Variants in ABCC6 observed in about 807,000 individuals in gnomAD.
The protein encoded by ABCC6 is ATP binding cassette subfamily C member 6, also known as ATP-binding cassette sub-family C member 6.
In ABCC6, 126 loss-of-function variants were observed where a neutral mutation model predicts 169.5. That is an observed-to-expected ratio of 0.74 (90% CI 0.64 to 0.86). The LOEUF (loss-of-function observed/expected upper bound fraction) is 0.86. Ranked by LOEUF, ABCC6 falls within the 40% of genes least tolerant of loss-of-function variation. ABCC6 has a pLI of 0.00. For synonymous variants in ABCC6, 752 were observed against 814.7 expected, an observed-to-expected ratio of 0.92 and a Z score of 1.31; for missense variants, 1,733 against 1,927.2, an observed-to-expected ratio of 0.90 and a Z score of 1.89.
intron 10 of ABCC6, among the ~76,000 whole-genome samples, chr16:16,197,799 G>A (rs2048099205): frequency 6.6e-6 from 1 of 151,676 alleles, no homozygotes; most frequent in Admixed American, 6.6e-5. Flanking sequence ...GGAATCCAGG[G>A]TGATGAAGGC....
chr16:16,170,053 C>T (rs1179505951), intron 21 of ABCC6, among the ~76,000 whole-genome samples, 200 bp from the exon 22 acceptor site: 1 of 152,114 alleles, frequency 6.6e-6, no homozygotes, highest in Non-Finnish European at 1.5e-5. Context: ...GAACCCCCAT[C>T]TCCTATACAA....
In ABCC6 at chr16:16,203,610, G is replaced by T; in HGVS notation, c.798C>A (p.His266Gln). 1.2e-6 allele frequency: 2 copies of T among 1,614,040 alleles called. No individual in the cohort carries two copies. The highest frequency in any genetic ancestry group is 1.7e-6 in the Non-Finnish European group (2 of 1,179,878). ...WMRNRSAARR[H>Q]NKAIAFKRKG... ...TCCTTTTAAATGCTATTGCCTTGTT[G>T]TGCCTGAGGGGAAGGGAGAGATTAG... Residue 266 changes from histidine (H) to glutamine (Q), a missense_variant, in exon 8 of 31, where the codon CAC becomes CAA. Around this residue, in one of 5 missense-constraint regions of ABCC6, gnomAD observed 1,601 missense variants for 1,635.5 expected, o/e 0.98. Transcript: ENST00000205557.
At chr16:16,168,135 T>C (rs1029944715) in intron 22 of ABCC6, among the ~76,000 whole-genome samples, 1 of 66,070 alleles carries the variant, frequency 1.5e-5, no homozygotes, top group Non-Finnish European at 3.4e-5. Context: ...ATTTTGGTGA[T>C]GTGGCCAATG....
At chr16:16,162,154 T>C (rs895682503) in intron 24 of ABCC6, among the ~76,000 whole-genome samples, 1 of 152,180 alleles carries the variant, frequency 6.6e-6, no homozygotes, top group Non-Finnish European at 1.5e-5. Context: ...CAATTAAACC[T>C]TCCTTTCTTT....
Position 16,161,461 on chromosome 16 carries a change from A to G in ABCC6, c.3610T>C (p.Phe1204Leu). Reference protein sequence around the residue: ...KAHLSAGLVGFSVSAALQVTQ... With the variant: ...KAHLSAGLVGLSVSAALQVTQ... ...ACCTGGAGGGCAGCAGAGACAGAGA[A>G]GCCCACGAGGCCAGCACTGAGGTGG... The change falls in exon 25 of 31, where the codon TTC becomes CTC. Residue 1204 changes from phenylalanine to leucine, a missense_variant. This residue lies in a region of ABCC6 where 1,601 missense variants were observed against 1,635.5 expected (regional missense o/e 0.98). Coordinates refer to ENST00000205557, the MANE Select transcript of ABCC6 (RefSeq NM_001171.6). The G allele has an allele frequency of 6.2e-7, 1 of 1,613,946 alleles. No individual in the cohort carries two copies. Among genetic ancestry groups the G allele is most frequent in the Non-Finnish European group, 8.5e-7 (1 of 1,180,026 alleles).
In ABCC6 at chr16:16,150,464, C is replaced by A. The variant is rs2046354487; in HGVS notation, c.4403+114G>T. ...CCCGGGCATTCCTCCCGCTCTGGCCCCATTCAGGACCCCTCCAGCTCTAAC... is the reference window on the plus strand; with the variant it reads ...CCCGGGCATTCCTCCCGCTCTGGCCACATTCAGGACCCCTCCAGCTCTAAC... On this transcript the variant is annotated intron_variant, in intron 30 of 30. Coordinates refer to ENST00000205557, the MANE Select transcript of ABCC6 (RefSeq NM_001171.6). 3.3e-6 allele frequency: 5 copies of A among 1,503,532 alleles called. No homozygotes were observed. In the East Asian group the frequency reaches 1.2e-4, roughly 37 times the overall value. 93.1% of individuals were successfully genotyped at this position (1,503,532 alleles called of 1,614,324 possible). A position where few individuals can be genotyped will look rare whatever the true frequency, so the allele number is the denominator to read the frequency against.
chr16:16,162,286 T>C (rs1765089417), intron 24 of ABCC6, among the ~76,000 whole-genome samples: 1 of 152,098 alleles, frequency 6.6e-6, no homozygotes, highest in South Asian at 2.1e-4. Context: ...GAGCACCTAG[T>C]GTGTACTTGA....
intron 9 of ABCC6, among the ~76,000 whole-genome samples, chr16:16,199,435 G>C (rs2044656008): frequency 7.8e-6 from 1 of 127,662 alleles, no homozygotes. Flanking sequence ...GGTGACGAAG[G>C]CATGACAAGG....
At chr16:16,158,384 T>C (rs1421654518) in intron 26 of ABCC6, among the ~76,000 whole-genome samples, 1 of 152,034 alleles carries the variant, frequency 6.6e-6, no homozygotes, top group Non-Finnish European at 1.5e-5. Context: ...CATCCATCCA[T>C]TCATCCATCC....
chr16:16,204,144 CT>C (rs2048325805), intron 7 of ABCC6, among the ~76,000 whole-genome samples: 2 of 151,984 alleles, frequency 1.3e-5, no homozygotes, highest in South Asian at 4.1e-4. Flanking sequence ...GCAACCTCCA[CT>C]TCCCAGTTCA....
At position 16,157,783 on chromosome 16, in the gene ABCC6, T is replaced by A; in HGVS notation, c.3762A>T (p.Ala1254=). The A allele has an allele frequency of 6.2e-7, 1 of 1,613,080 alleles. No individual in the cohort carries two copies. Among genetic ancestry groups the A allele is most frequent in the Non-Finnish European group, 8.5e-7 (1 of 1,179,960 alleles). ...CGCCCTGAGGCCAGGGGGGCTGAGC[T>A]GCACATGTGGGCAGCCTCCAGGGAG... ...KEAPWRLPTC[A]AQPPWPQGGQ... Residue 1254 remains alanine (A), a synonymous_variant, in exon 27 of 31, where the codon GCA becomes GCT. Coordinates refer to ENST00000205557, the MANE Select transcript of ABCC6 (RefSeq NM_001171.6).
At position 16,150,830 on chromosome 16, in the gene ABCC6, TG is replaced by T. The variant is rs749477982; in HGVS notation, c.4209-59del. ...GCGTTTGTCGGCACATGGTGATGTG[TG>T]GGTGTGCCCAGAAACAGGTCCCTGA... On this transcript the variant is annotated intron_variant, in intron 29 of 30. Transcript: ENST00000205557. 1,855 of 1,587,540 alleles carry T rather than the reference TG, an allele frequency of 1.2e-3. 3 individuals are homozygous for T. The highest frequency in any genetic ancestry group is 1.5e-3 in the Non-Finnish European group (1,754 of 1,167,014).
chr16:16,195,988 T>C (rs554688934), intron 10 of ABCC6, among the ~76,000 whole-genome samples: 17 of 152,188 alleles, frequency 1.1e-4, no homozygotes, highest in African/African-American at 3.9e-4. Context: ...GGTGGGCAGA[T>C]CACCTGAGGT....
chr16:16,172,885 T>C (rs2047159838), intron 21 of ABCC6, among the ~76,000 whole-genome samples: 1 of 151,690 alleles, frequency 6.6e-6, no homozygotes, highest in South Asian at 2.1e-4. Flanking sequence ...CTACTGAAAA[T>C]ACAAACATTA....
rs533353511 is a variant in ABCC6, at chr16:16,190,157, A to T, written c.1635+7T>A. 3 of 1,613,286 alleles carry T rather than the reference A, an allele frequency of 1.9e-6. No homozygotes were observed. The Admixed American group carries it at 5.0e-5, about 27-fold the overall frequency. On this transcript the variant is annotated splice_region_variant and intron_variant, in intron 12 of 30. Coordinates refer to ENST00000205557, the MANE Select transcript of ABCC6 (RefSeq NM_001171.6). ...GCTGCTCAGCATAGAGACTAGAGTG[A>T]CGTCACCAGAAATGTAGACACTTGG...
chr16:16,197,139 C>T (rs1023158215), intron 10 of ABCC6, among the ~76,000 whole-genome samples: 6 of 152,138 alleles, frequency 3.9e-5, no homozygotes, highest in Non-Finnish European at 7.3e-5. Context: ...AATTTTTCCC[C>T]CTAAAATGTT....
intron 7 of ABCC6, among the ~76,000 whole-genome samples, chr16:16,206,353 G>A (rs1253296538): frequency 1.3e-5 from 2 of 152,120 alleles, no homozygotes; most frequent in South Asian, 2.1e-4. Flanking sequence ...GGCCGGGCAC[G>A]GTGGCTCACA....
At chr16:16,219,728 TGAGGGGAG>T in intron 3 of ABCC6, 46 bp from the exon 4 acceptor site, 1 of 715,762 alleles carries the variant, frequency 1.4e-6, no homozygotes, top group Non-Finnish European at 2.4e-6. Context: ...GGTGGGAGGC[TGAGGGGAG>T]CCTCTTCTCT....
At chr16:16,167,430 G>A (rs1383133875) in intron 22 of ABCC6, among the ~76,000 whole-genome samples, 2 of 152,198 alleles carry the variant, frequency 1.3e-5, no homozygotes, top group African/African-American at 4.8e-5. Flanking sequence ...GGTCCCAAGA[G>A]CCAATCAATT....
Sources: gnomAD v4.1 joint callset for allele counts (sites outside exome capture counted in the v4.1 genomes callset) on GRCh38, gnomAD v4.1.1 for gene constraint, gnomAD v4.1.1 regional missense constraint, MANE v1.5 for transcripts, NCBI Gene and HGNC (gene_info 2026-07-23, HGNC 2026-07-21) for gene names.